Variants in ZCWPW2 observed in about 807,000 individuals in gnomAD.
ZCWPW2 encodes zinc finger CW-type and PWWP domain containing 2.
ZCWPW2 carries 45 observed loss-of-function variants against 46.6 expected under a neutral mutation model. The observed-to-expected ratio is 0.96, with a 90% CI of 0.76 to 1.24. The LOEUF is 1.24. ZCWPW2 is among the 50% of genes most tolerant of loss of function. The probability of loss-of-function intolerance (pLI) is 0.00; values close to 1 mark genes in which losing one functional copy is unlikely to be tolerated. For synonymous variants in ZCWPW2, 152 were observed against 137.1 expected (o/e 1.11, Z -0.76); for missense variants, 429 against 403.9 (o/e 1.06, Z -0.53).
chr3:28,484,913 GCT>G (rs1243830197), intron 5 of ZCWPW2, among the ~76,000 whole-genome samples: 1 of 151,856 alleles, frequency 6.6e-6, no homozygotes, highest in African/African-American at 2.4e-5. Context: ...ATTGATTTCT[GCT>G]CTTTTATTTT....
chr3:28,384,379 A>G (rs1695198671), intron 1 of ZCWPW2, among the ~76,000 whole-genome samples: 1 of 152,154 alleles, frequency 6.6e-6, no homozygotes, highest in African/African-American at 2.4e-5. Flanking sequence ...TTTTAAAAAT[A>G]TTCTAAAAAC....
At chr3:28,522,132 G>A (rs1289555591) in intron 9 of ZCWPW2, among the ~76,000 whole-genome samples, 3 of 152,112 alleles carry the variant, frequency 2.0e-5, no homozygotes, top group Non-Finnish European at 4.4e-5. Flanking sequence ...AGGGAGAGGG[G>A]AGGGATAGCA....
intron 8 of ZCWPW2, among the ~76,000 whole-genome samples, chr3:28,520,003 TG>T (rs1700679448): frequency 6.6e-6 from 1 of 151,048 alleles, no homozygotes. Context: ...TTTTTTTTTT[TG>T]CCTATTTTTT....
intron 4 of ZCWPW2, among the ~76,000 whole-genome samples, chr3:28,442,451 A>G (rs1697801790): frequency 6.6e-6 from 1 of 152,208 alleles, no homozygotes; most frequent in Admixed American, 6.5e-5. Context: ...TGTCATCAAT[A>G]TAATGGACCA....
At chr3:28,433,763 AAAAAAACAAAAAAC>A (rs375531081) in intron 3 of ZCWPW2, among the ~76,000 whole-genome samples, 2 of 143,526 alleles carry the variant, frequency 1.4e-5, no homozygotes, top group South Asian at 2.1e-4. Context: ...CTTAAAAAAA[AAAAAAACAAAAAAC>A]AAAAAACAAA....
intron 5 of ZCWPW2, among the ~76,000 whole-genome samples, chr3:28,488,451 A>G (rs1699682825): frequency 6.6e-6 from 1 of 152,140 alleles, no homozygotes; most frequent in African/African-American, 2.4e-5. Context: ...ACTGTCCTCT[A>G]TGTTTTTACG....
At chr3:28,368,295 T>C (rs891176746) in intron 1 of ZCWPW2, among the ~76,000 whole-genome samples, 25 of 152,172 alleles carry the variant, frequency 1.6e-4, no homozygotes, top group Admixed American at 6.5e-5. Flanking sequence ...GATTGTTCCT[T>C]CCCATGTTTA....
chr3:28,378,021 C>T (rs908445447), intron 1 of ZCWPW2, among the ~76,000 whole-genome samples: 1 of 152,122 alleles, frequency 6.6e-6, no homozygotes, highest in Non-Finnish European at 1.5e-5. Flanking sequence ...TGAAACCTAT[C>T]AGTTATCTGT....
intron 7 of ZCWPW2, 135 bp from the exon 8 acceptor site, chr3:28,515,419 T>G (rs1700534865): frequency 4.2e-6 from 3 of 706,578 alleles, no homozygotes; most frequent in Non-Finnish European, 7.0e-6. Flanking sequence ...TGTTACTACA[T>G]AAAACAACCA....
intron 1 of ZCWPW2, among the ~76,000 whole-genome samples, chr3:28,384,828 C>G (rs1039703345): frequency 1.3e-5 from 2 of 152,054 alleles, no homozygotes; most frequent in African/African-American, 4.8e-5. Flanking sequence ...GTTGGCCAGG[C>G]TGGTCTCGAA....
chr3:28,446,244 G>T (rs1011113865), intron 4 of ZCWPW2, among the ~76,000 whole-genome samples: 1 of 152,100 alleles, frequency 6.6e-6, no homozygotes, highest in Non-Finnish European at 1.5e-5. Context: ...GTTCACATGG[G>T]ACATTTTCTA....
In ZCWPW2 at chr3:28,525,095, T is replaced by G. The variant is rs923904770; in HGVS notation, c.*407T>G. On this transcript the variant is annotated 3_prime_UTR_variant, in exon 10 of 10. Coordinates refer to ENST00000383768, the MANE Select transcript of ZCWPW2 (RefSeq NM_001040432.4). ...CTAATAAACTTAGAGAATGTATATTTGCAGTGGAATCAAACTATTACAAAA... is the reference window on the plus strand; with the variant it reads ...CTAATAAACTTAGAGAATGTATATTGGCAGTGGAATCAAACTATTACAAAA... 5.9e-5 allele frequency: 9 copies of G among 152,424 alleles called. No individual in the cohort carries two copies. The highest frequency in any genetic ancestry group is 2.2e-4 in the African/African-American group (9 of 41,464). 9.4% of individuals were successfully genotyped at this position (152,424 alleles called of 1,614,324 possible).
chr3:28,434,428 T>C (rs1009508403), intron 3 of ZCWPW2, among the ~76,000 whole-genome samples: 5 of 152,132 alleles, frequency 3.3e-5, no homozygotes, highest in Admixed American at 2.6e-4. Context: ...ATGAAACATA[T>C]CAATAAATTT....
chr3:28,368,627 A>G (rs750019261), intron 1 of ZCWPW2, among the ~76,000 whole-genome samples: 6 of 152,036 alleles, frequency 3.9e-5, no homozygotes, highest in Non-Finnish European at 7.4e-5. Context: ...GAATCTGACA[A>G]TTATGTGTCT....
At chr3:28,511,890 T>A (rs1024123857) in intron 6 of ZCWPW2, among the ~76,000 whole-genome samples, 4 of 152,212 alleles carry the variant, frequency 2.6e-5, no homozygotes, top group African/African-American at 9.6e-5. Context: ...TCTATCTTTT[T>A]AGTTCTCACT....
At chr3:28,399,623 C>T (rs1033623331) in intron 2 of ZCWPW2, among the ~76,000 whole-genome samples, 5 of 152,188 alleles carry the variant, frequency 3.3e-5, no homozygotes, top group African/African-American at 1.2e-4. Flanking sequence ...TGCAGACAAC[C>T]CCCAGTATCA....
intron 1 of ZCWPW2, among the ~76,000 whole-genome samples, chr3:28,379,853 G>C (rs1052266840): frequency 6.6e-6 from 1 of 152,124 alleles, no homozygotes; most frequent in Non-Finnish European, 1.5e-5. Context: ...TTTCTTAGAA[G>C]GTGGCTTTCT....
intron 4 of ZCWPW2, among the ~76,000 whole-genome samples, chr3:28,450,041 A>G (rs1015399592): frequency 1.3e-5 from 2 of 152,208 alleles, no homozygotes; most frequent in Non-Finnish European, 2.9e-5. Flanking sequence ...GCCTCACTCT[A>G]CTGGATCAAT....
chr3:28,436,379 C>G (rs543137530), intron 4 of ZCWPW2, among the ~76,000 whole-genome samples: 3 of 135,068 alleles, frequency 2.2e-5, no homozygotes, highest in Non-Finnish European at 4.6e-5. Context: ...TCAGGTGATC[C>G]TCTTGCCTCA....
Sources: gnomAD v4.1 joint callset for allele counts (sites outside exome capture counted in the v4.1 genomes callset) on GRCh38, gnomAD v4.1.1 for gene constraint, MANE v1.5 for transcripts, NCBI Gene and HGNC (gene_info 2026-07-23, HGNC 2026-07-21) for gene names.